The following SH2B2 variants were observed in gnomAD, a reference collection of about 807,000 sequenced individuals.
SH2B2 encodes SH2B adapter protein 2.
A neutral mutation model predicts 35.7 loss-of-function variants in SH2B2; 37 were observed. That is an observed-to-expected ratio of 1.04 (90% CI 0.80 to 1.36). SH2B2 has a LOEUF of 1.36. Ranked by LOEUF, SH2B2 falls within the 40% of genes most tolerant of loss-of-function variation. The pLI, the probability that SH2B2 is intolerant of heterozygous loss-of-function variation, is 0.00. For synonymous variants in SH2B2, 383 were observed against 376.4 expected, an observed-to-expected ratio of 1.02 and a Z score of -0.20; for missense variants, 852 against 817.7, an observed-to-expected ratio of 1.04 and a Z score of -0.51.
At chr7:102,298,710 G>T (rs1427901014) in intron 1 of SH2B2, among the ~76,000 whole-genome samples, 1 of 152,000 alleles carries the variant, frequency 6.6e-6, no homozygotes, top group Non-Finnish European at 1.5e-5. Context: ...GAGACTACAG[G>T]TGTGTGCCAC....
chr7:102,306,172 C>T (rs530753063), intron 2 of SH2B2, among the ~76,000 whole-genome samples: 14 of 152,264 alleles, frequency 9.2e-5, no homozygotes, highest in Non-Finnish European at 1.9e-4. Flanking sequence ...CCGCAACCTC[C>T]GCCTCCTGGG....
chr7:102,312,894 C>T (rs1006300366), intron 4 of SH2B2, among the ~76,000 whole-genome samples: 6 of 152,134 alleles, frequency 3.9e-5, no homozygotes, highest in Admixed American at 2.6e-4. Flanking sequence ...CTTTGGAAGG[C>T]CAAGGTGGGC....
chr7:102,318,506 C>A (rs531366059), intron 7 of SH2B2, among the ~76,000 whole-genome samples: 1 of 152,248 alleles, frequency 6.6e-6, no homozygotes, highest in South Asian at 2.1e-4. Flanking sequence ...TGCAATGTGG[C>A]CAGAGGGGGC....
Position 102,321,441 on chromosome 7 carries a change from CG to C in SH2B2, c.1711del (p.Ala571ProfsTer77). ...ACGCCGCCGGCGCCTCCTCGTCTTCCGCCTCGTCGTCCTCTGCCGCGTCGGG... is the reference window on the plus strand; with the variant it reads ...ACGCCGCCGGCGCCTCCTCGTCTTCCCCTCGTCGTCCTCTGCCGCGTCGGG... ...SDAAGASSSS[A>X]SSSSAASGPA... On this transcript the variant is annotated frameshift_variant, in exon 9 of 9. Coordinates refer to ENST00000444095, the MANE Select transcript of SH2B2 (RefSeq NM_001359228.2). LOFTEE classifies it low-confidence loss of function (END_TRUNC). 1 of 1,290,484 alleles carries C rather than the reference CG, an allele frequency of 7.7e-7. No homozygotes were observed. Among genetic ancestry groups the C allele is most frequent in the South Asian group, 2.0e-5 (1 of 50,720 alleles). 79.9% of individuals were successfully genotyped at this position (1,290,484 alleles called of 1,614,324 possible). A position where few individuals can be genotyped will look rare whatever the true frequency, so the allele number is the denominator to read the frequency against.
intron 1 of SH2B2, among the ~76,000 whole-genome samples, chr7:102,287,420 G>A (rs1358544824): frequency 1.3e-5 from 2 of 152,186 alleles, no homozygotes; most frequent in East Asian, 3.9e-4. Context: ...GAGCAGCCGG[G>A]TCCTTAGAGG....
At chr7:102,306,514 A>G (rs1284082369) in intron 2 of SH2B2, among the ~76,000 whole-genome samples, 1 of 152,304 alleles carries the variant, frequency 6.6e-6, no homozygotes, top group African/African-American at 2.4e-5. Flanking sequence ...ATGAGCCACC[A>G]TGCCTAGCCA....
rs1040321234 is a variant in SH2B2 at position 102,297,403 on chromosome 7, A to G, written c.-29-3119A>G. ...AGTGAGATCCCATCTCTACACACACACACACACACACACACACACACACAC... is the reference window on the plus strand; with the variant it reads ...AGTGAGATCCCATCTCTACACACACGCACACACACACACACACACACACAC... On this transcript the variant is annotated intron_variant, in intron 1 of 8. Coordinates refer to ENST00000444095, the MANE Select transcript of SH2B2 (RefSeq NM_001359228.2). This position sits in a 1 kb window ranked among gnomAD's most constrained non-coding sequence, Gnocchi z 4.3. 6.6e-6 allele frequency among the ~76,000 whole-genome samples: 1 copy of G among 151,006 alleles called. No individual in the cohort carries two copies. Among genetic ancestry groups the G allele is most frequent in the Non-Finnish European group, 1.5e-5 (1 of 67,802 alleles).
At chr7:102,298,481 C>T (rs868923083) in intron 1 of SH2B2, among the ~76,000 whole-genome samples, 3 of 152,136 alleles carry the variant, frequency 2.0e-5, no homozygotes, top group African/African-American at 7.2e-5. Flanking sequence ...GGCTGAAGTA[C>T]AGTGGTGCCA....
chr7:102,287,379 C>T (rs1283338175), intron 1 of SH2B2, among the ~76,000 whole-genome samples: 2 of 152,110 alleles, frequency 1.3e-5, no homozygotes, highest in African/African-American at 4.8e-5. Flanking sequence ...CCCCCGCCCC[C>T]TGCTAGGGCC....
intron 1 of SH2B2, among the ~76,000 whole-genome samples, chr7:102,298,411 C>T (rs782088491): frequency 1.7e-4 from 26 of 152,000 alleles, no homozygotes; most frequent in Admixed American, 1.3e-3. Flanking sequence ...GTAGGCATGC[C>T]ACCACATCCA....
chr7:102,285,859 A>G (rs1489768320), upstream of SH2B2, among the ~76,000 whole-genome samples: 7 of 151,138 alleles, frequency 4.6e-5, no homozygotes, highest in Non-Finnish European at 1.0e-4. Context: ...GAGCAAGACT[A>G]CTCTCTTCTC....
chr7:102,288,042 A>T (rs1792522799), intron 1 of SH2B2, among the ~76,000 whole-genome samples: 1 of 152,070 alleles, frequency 6.6e-6, no homozygotes, highest in Non-Finnish European at 1.5e-5. Context: ...GTAAAATGGG[A>T]TGGTGCTGCC....
chr7:102,308,944 TG>T (rs782459703), intron 4 of SH2B2, 38 bp downstream of exon 4: 1 of 1,522,710 alleles, frequency 6.6e-7, no homozygotes, highest in South Asian at 1.1e-5. Context: ...GTGGACAGGC[TG>T]GGTATATCCT....
intron 7 of SH2B2, among the ~76,000 whole-genome samples, chr7:102,319,105 C>A (rs917537244): frequency 6.6e-6 from 1 of 152,224 alleles, no homozygotes; most frequent in African/African-American, 2.4e-5. Flanking sequence ...CAGCCTCCAG[C>A]TTACATACCT....
Position 102,305,892 on chromosome 7 carries a change from T to TC in SH2B2, c.730-828dup, listed in dbSNP as rs1309567363. 3.7e-3 allele frequency among the ~76,000 whole-genome samples: 529 copies of TC among 142,566 alleles called. 1 individual carries two copies. Among genetic ancestry groups the TC allele is most frequent in the Non-Finnish European group, 5.7e-3 (380 of 67,000 alleles). The allele number at this position is 142,566 out of a possible 152,430, so 93.5% of individuals were successfully genotyped here. ...ATAGGAGGAGGTCCTTTTTTTTTTT[T>TC]CTTTTTTTTTTTTTTTTTTTGAGGC... On this transcript the variant is annotated intron_variant, in intron 2 of 8. Transcript: ENST00000444095.
intron 1 of SH2B2, among the ~76,000 whole-genome samples, chr7:102,296,346 G>A (rs912071506): frequency 1.3e-5 from 2 of 152,218 alleles, no homozygotes; most frequent in Admixed American, 6.5e-5. Context: ...GGGGCATTCC[G>A]GAAACTGTGG....
chr7:102,301,070 A>T lies in SH2B2; in HGVS notation c.520A>T (p.Lys174Ter). 1 of 1,388,854 alleles carries T rather than the reference A, an allele frequency of 7.2e-7. No homozygotes were observed. The highest frequency in any genetic ancestry group is 9.3e-7 in the Non-Finnish European group (1 of 1,076,004). 86.0% of individuals were successfully genotyped at this position (1,388,854 alleles called of 1,614,324 possible). The change falls in exon 2 of 9, where the codon AAG becomes TAG. Residue 174 changes from lysine to a stop codon, truncating the protein, a stop_gained. Transcript: ENST00000444095. LOFTEE classifies it high-confidence loss of function. ...AAPRTAEPRD[K>*]WTRRLRLSRT... is the part of the protein sequence containing the mutation. ...CCCGCGCACCGCCGAGCCCCGCGAC[A>T]AGTGGACGCGGCGCCTGAGGCTGTC... is the stretch of plus-strand genomic sequence containing the variant.
intron 7 of SH2B2, 63 bp downstream of exon 7, chr7:102,317,458 G>GACCCC: frequency 1.4e-6 from 2 of 1,412,356 alleles, no homozygotes; most frequent in Admixed American, 5.0e-5. Flanking sequence ...GGGTCATGGT[G>GACCCC]ACCCCGGTCC....
At chr7:102,289,127 T>C (rs1792573221) in intron 1 of SH2B2, among the ~76,000 whole-genome samples, 1 of 152,128 alleles carries the variant, frequency 6.6e-6, no homozygotes, top group African/African-American at 2.4e-5. Flanking sequence ...AGCCCACACC[T>C]GTTTGGGCAG....
Sources: allele counts gnomAD v4.1 joint callset (sites outside exome capture counted in the v4.1 genomes callset), GRCh38; gene constraint gnomAD v4.1.1; non-coding constraint Gnocchi (gnomAD v3.1); transcripts MANE v1.5; gene names NCBI Gene and HGNC (gene_info 2026-07-23, HGNC 2026-07-21).